KDM5A: variants seen among roughly 807,000 people sequenced by gnomAD.
KDM5A encodes the protein lysine demethylase 5A.
In KDM5A, 42 loss-of-function variants were observed where a neutral mutation model predicts 193.5. That is an observed-to-expected ratio of 0.22 (90% CI 0.17 to 0.28). KDM5A has a LOEUF of 0.28. Ranked by LOEUF, KDM5A falls within the 10% of genes least tolerant of loss-of-function variation. KDM5A has a pLI of 1.00. For missense variants in KDM5A, 1,692 were observed against 2,055.1 expected (o/e 0.82, Z 3.42); for synonymous variants, 796 against 718.1 (o/e 1.11, Z -1.73).
In KDM5A at chr12:295,769, G is replaced by T; in HGVS notation, c.4259C>A (p.Pro1420His). The change falls in exon 26 of 28, where the codon CCT becomes CAT. Residue 1420 changes from proline (P) to histidine (H), a missense_variant. Coordinates refer to ENST00000399788, the MANE Select transcript of KDM5A (RefSeq NM_001042603.3). ...SQGSSTPRKQ[P>H]RKSPLVPRSL... is the part of the protein sequence containing the mutation. ...TCGGGGCACCAAAGGGCTCTTCCGA[G>T]GTTGTTTCCTTGGGGTGCTAGAACC... 5 of 1,614,040 alleles carry T rather than the reference G, an allele frequency of 3.1e-6. No individual in the cohort carries two copies. Among genetic ancestry groups the T allele is most frequent in the Non-Finnish European group, 2.5e-6 (3 of 1,179,982 alleles).
At chr12:345,129 A>G (rs1053045596) in intron 10 of KDM5A, among the ~76,000 whole-genome samples, 155 of 152,332 alleles carry the variant, frequency 1.0e-3, no homozygotes, top group African/African-American at 3.6e-3. Context: ...CCAGTCTCTG[A>G]TAAAACAGAC....
In KDM5A at chr12:348,750, G is replaced by C. The variant is rs561806988; in HGVS notation, c.1308+1871C>G. ...CACAGGGCGGGGAACATCACACACTGGGGCCTGTCAGGGGGTGGGGGGCTG... is the reference window on the plus strand; with the variant it reads ...CACAGGGCGGGGAACATCACACACTCGGGCCTGTCAGGGGGTGGGGGGCTG... On this transcript the variant is annotated intron_variant, in intron 10 of 27. Coordinates refer to ENST00000399788, the MANE Select transcript of KDM5A (RefSeq NM_001042603.3). Among the ~76,000 whole-genome samples the C allele has an allele frequency of 1.4e-4, 22 of 152,070 alleles. No individual in the cohort carries two copies. In the South Asian group the frequency reaches 2.1e-3, roughly 14 times the overall value.
chr12:281,591 C>A lies in KDM5A; in HGVS notation c.*3865G>T. The A allele has an allele frequency of 8.6e-6, 2 of 233,166 alleles. No homozygotes were observed. Among genetic ancestry groups the A allele is most frequent in the East Asian group, 6.0e-5 (1 of 16,560 alleles). The allele number at this position is 233,166 out of a possible 1,614,324, so 14.4% of individuals were successfully genotyped here. ...ACTTAAGGACCTGCTATAAAAGCAA[C>A]CTTCTACACACATATGGAGCTAATT... On this transcript the variant is annotated 3_prime_UTR_variant, in exon 28 of 28. Coordinates refer to ENST00000399788, the MANE Select transcript of KDM5A (RefSeq NM_001042603.3).
intron 7 of KDM5A, among the ~76,000 whole-genome samples, chr12:354,766 A>C (rs1373586907): frequency 2.0e-5 from 3 of 151,458 alleles, no homozygotes; most frequent in Non-Finnish European, 4.4e-5. Flanking sequence ...CTCCGTCTCA[A>C]AAAAAAAAGG....
intron 5 of KDM5A, among the ~76,000 whole-genome samples, chr12:361,650 T>A (rs1215419333): frequency 6.6e-6 from 1 of 152,146 alleles, no homozygotes; most frequent in South Asian, 2.1e-4. Context: ...AATCACCATG[T>A]CAAAGGGACT....
At chr12:380,794 GA>G (rs982427338) in intron 3 of KDM5A, among the ~76,000 whole-genome samples, 39 of 150,648 alleles carry the variant, frequency 2.6e-4, no homozygotes, top group Non-Finnish European at 4.9e-4. Flanking sequence ...AATAATTTTT[GA>G]AAAAAAAATT....
chr12:362,855 G>T, intron 5 of KDM5A, 108 bp downstream of exon 5: 1 of 1,004,176 alleles, frequency 1.0e-6, no homozygotes, highest in Non-Finnish European at 1.6e-6. Context: ...ATACTCAAGA[G>T]GCGGAGGCAA....
At chr12:295,382 G>A (rs1943357421) in intron 26 of KDM5A, among the ~76,000 whole-genome samples, 191 bp downstream of exon 26, 1 of 151,860 alleles carries the variant, frequency 6.6e-6, no homozygotes. Flanking sequence ...GAAAGAGGGA[G>A]GAAGGAGGGA....
intron 27 of KDM5A, among the ~76,000 whole-genome samples, chr12:286,950 G>C (rs1330891546): frequency 6.6e-6 from 1 of 152,058 alleles, no homozygotes; most frequent in Non-Finnish European, 1.5e-5. Context: ...ATCATTTCAG[G>C]CAAGTCATTT....
At chr12:303,517 T>G (rs1943470457) in intron 24 of KDM5A, among the ~76,000 whole-genome samples, 1 of 152,052 alleles carries the variant, frequency 6.6e-6, no homozygotes, top group African/African-American at 2.4e-5. Context: ...TGTCCAGGGG[T>G]GCAGGCCTAG....
chr12:386,070 T>C, intron 1 of KDM5A, 96 bp from the exon 2 acceptor site: 1 of 846,306 alleles, frequency 1.2e-6, no homozygotes, highest in Non-Finnish European at 2.0e-6. Flanking sequence ...CAAATCATGG[T>C]GCTAATAGAC....
chr12:326,877 AAAAAAAAAAAAAAAG>A (rs1434980167), intron 14 of KDM5A, among the ~76,000 whole-genome samples: 1 of 148,904 alleles, frequency 6.7e-6, no homozygotes, highest in African/African-American at 2.5e-5. Context: ...AAAAAAAAAA[AAAAAAAAAAAAAAAG>A]AAAAGAAACC....
intron 7 of KDM5A, 130 bp downstream of exon 7, chr12:355,028 C>T: frequency 1.4e-6 from 1 of 715,478 alleles, no homozygotes; most frequent in Admixed American, 2.0e-5. Context: ...GCTGTAACTT[C>T]ACAGATGTGC....
chr12:358,689 A>C (rs1452352320), intron 5 of KDM5A, among the ~76,000 whole-genome samples: 2 of 152,136 alleles, frequency 1.3e-5, no homozygotes, highest in Non-Finnish European at 2.9e-5. Flanking sequence ...AAAAATAACA[A>C]AGGCCAGGCA....
At position 366,030 on chromosome 12, in the gene KDM5A, T is replaced by A. The variant is rs1177132703; in HGVS notation, c.441A>T (p.Gly147=). ...KKWSKVGSRL[G]YLPGKGTGSL... Reference sequence around the variant, plus strand: ...ACCCAGTTCCTTTTCCTGGCAGATATCCCAAGCGACTACCCACTTTAGACC... The same window carrying A: ...ACCCAGTTCCTTTTCCTGGCAGATAACCCAAGCGACTACCCACTTTAGACC... The change falls in exon 4 of 28, where the codon GGA becomes GGT. Residue 147 remains glycine (G), a synonymous_variant. Coordinates refer to ENST00000399788, the MANE Select transcript of KDM5A (RefSeq NM_001042603.3). 1 of 1,613,968 alleles carries A rather than the reference T, an allele frequency of 6.2e-7. No homozygotes were observed. The highest frequency in any genetic ancestry group is 1.1e-5 in the South Asian group (1 of 91,080).
chr12:296,999 T>C (rs1361401421), intron 25 of KDM5A, 42 bp downstream of exon 25: 1 of 1,597,416 alleles, frequency 6.3e-7, no homozygotes, highest in Non-Finnish European at 8.6e-7. Flanking sequence ...TTCTCATTGG[T>C]TTTCTGCTTA....
In KDM5A at chr12:365,154, G is replaced by T. The variant is rs184318853; in HGVS notation, c.537+780C>A. Reference sequence around the variant, plus strand: ...TGCAACCTCCATCTCCCAGGCTGAAGCAATCATCCTACCACAGTCTCTGGA... The same window carrying T: ...TGCAACCTCCATCTCCCAGGCTGAATCAATCATCCTACCACAGTCTCTGGA... On this transcript the variant is annotated intron_variant, in intron 4 of 27. Transcript: ENST00000399788. Among the ~76,000 whole-genome samples the T allele has an allele frequency of 2.7e-3, 417 of 152,182 alleles. 1 individual carries two copies. The highest frequency in any genetic ancestry group is 4.5e-3 in the Non-Finnish European group (307 of 68,012).
rs371297440 is a variant in KDM5A at position 309,935 on chromosome 12, T to C, written c.3246A>G (p.Val1082=). ...TCCTCCTATTTTTGCCACTCCCATATACACCAATGTCGGTCCGGGGGCTCA... is the reference window on the plus strand; with the variant it reads ...TCCTCCTATTTTTGCCACTCCCATACACACCAATGTCGGTCCGGGGGCTCA... ...QVLSPRTDIG[V]YGSGKNRRKK... is the part of the protein sequence containing the mutation. The change falls in exon 22 of 28, where the codon GTA becomes GTG. Residue 1082 remains valine, a synonymous_variant. Coordinates refer to ENST00000399788, the MANE Select transcript of KDM5A (RefSeq NM_001042603.3). The C allele has an allele frequency of 8.8e-5, 142 of 1,613,610 alleles. No homozygotes were observed. The highest frequency in any genetic ancestry group is 1.2e-4 in the Non-Finnish European group (140 of 1,179,946).
At chr12:330,085 G>GTGTGTATATATA (rs377271333) in intron 13 of KDM5A, among the ~76,000 whole-genome samples, 21 of 139,376 alleles carry the variant, frequency 1.5e-4, no homozygotes, top group African/African-American at 4.3e-4. Context: ...GTGTGTGTGT[G>GTGTGTATATATA]TATATATATA....
Sources: allele counts gnomAD v4.1 joint callset (sites outside exome capture counted in the v4.1 genomes callset), GRCh38; gene constraint gnomAD v4.1.1; transcripts MANE v1.5; gene names NCBI Gene and HGNC (gene_info 2026-07-23, HGNC 2026-07-21).